PEX11G: variants seen among roughly 807,000 people sequenced by gnomAD.
The protein encoded by PEX11G is peroxisomal biogenesis factor 11 gamma, also known as peroxisomal membrane protein 11C.
PEX11G carries 20 observed loss-of-function variants against 22.5 expected under a neutral mutation model. The observed-to-expected ratio is 0.89, with a 90% CI of 0.62 to 1.29. The LOEUF (loss-of-function observed/expected upper bound fraction) is 1.29, where lower values mean the gene tolerates loss of function less well. Ranked by LOEUF, PEX11G falls within the 50% of genes most tolerant of loss-of-function variation. The pLI, the probability that PEX11G is intolerant of heterozygous loss-of-function variation, is 0.00. For synonymous variants in PEX11G, 141 were observed against 154.5 expected, an observed-to-expected ratio of 0.91 and a Z score of 0.65; for missense variants, 347 against 331.3, an observed-to-expected ratio of 1.05 and a Z score of -0.37.
Position 7,489,030 on chromosome 19 carries a change from C to A in PEX11G, c.-20G>T, listed in dbSNP as rs1307589368. 6.7e-7 allele frequency: 1 copy of A among 1,502,128 alleles called. No homozygotes were observed. Among genetic ancestry groups the A allele is most frequent in the Non-Finnish European group, 8.8e-7 (1 of 1,131,312 alleles). 93.0% of individuals were successfully genotyped at this position (1,502,128 alleles called of 1,614,324 possible). A position where few individuals can be genotyped will look rare whatever the true frequency, so the allele number is the denominator to read the frequency against. On this transcript the variant is annotated 5_prime_UTR_variant, in exon 1 of 5. Coordinates refer to ENST00000221480, the MANE Select transcript of PEX11G (RefSeq NM_080662.4). ...CGCCATGGCAACTCCGTGACGTCAC[C>A]GCGACGTCGGCGCGCCGCGCCAGGG... is the stretch of plus-strand genomic sequence containing the variant.
At chr19:7,492,083 T>C (rs991137520), upstream of PEX11G, among the ~76,000 whole-genome samples, 2 of 152,198 alleles carry the variant, frequency 1.3e-5, no homozygotes, top group African/African-American at 4.8e-5. Flanking sequence ...CAGCTGATGG[T>C]CATTTGGGCT....
rs201887390 is a variant in PEX11G, at chr19:7,486,029, G to A, written c.61-3C>T. 1.1e-4 allele frequency: 180 copies of A among 1,582,078 alleles called. No individual in the cohort carries two copies. The highest frequency in any genetic ancestry group is 1.6e-5 in the Non-Finnish European group (18 of 1,157,360). On this transcript the variant is annotated splice_polypyrimidine_tract_variant and splice_region_variant and intron_variant, in intron 1 of 4. Transcript: ENST00000221480. Reference sequence around the variant, plus strand: ...CAGCAGTACCCCAGCACTCGGATCTGTGGGAAACCAGAAGCAGTCAGTGTG... The same window carrying A: ...CAGCAGTACCCCAGCACTCGGATCTATGGGAAACCAGAAGCAGTCAGTGTG...
At chr19:7,489,813 A>G (rs923581966), upstream of PEX11G, among the ~76,000 whole-genome samples, 1 of 150,998 alleles carries the variant, frequency 6.6e-6, no homozygotes, top group Non-Finnish European at 1.5e-5. Context: ...ACAAAGGTTG[A>G]TCACCAGGGA....
chr19:7,479,351 G>C (rs1239645322), intron 3 of PEX11G, among the ~76,000 whole-genome samples: 1 of 152,200 alleles, frequency 6.6e-6, no homozygotes, highest in Non-Finnish European at 1.5e-5. Context: ...GGGGGTGGTG[G>C]TGGGCGCCTG....
intron 3 of PEX11G, among the ~76,000 whole-genome samples, chr19:7,481,078 A>G (rs2335116): frequency 0.12 from 17,722 of 152,088 alleles, 1,168 homozygotes; most frequent in South Asian, 0.18. Context: ...CAGGCCCTGG[A>G]GTTACTTCTT....
At chr19:7,489,164 G>C (rs887864907), upstream of PEX11G, 3 of 1,138,932 alleles carry the variant, frequency 2.6e-6, no homozygotes, top group Non-Finnish European at 3.5e-6. Context: ...GGGAGGGACA[G>C]AGTTTGCAGA....
chr19:7,494,171 T>A (rs1044440083), intron 1 of PEX11G, among the ~76,000 whole-genome samples: 1 of 152,180 alleles, frequency 6.6e-6, no homozygotes, highest in African/African-American at 2.4e-5. Flanking sequence ...CCTCCTAAAG[T>A]GCTGGGATTA....
Position 7,481,999 on chromosome 19 carries a change from C to T in PEX11G, c.428+34G>A, listed in dbSNP as rs1380850162. On this transcript the variant is annotated intron_variant, in intron 3 of 4. Coordinates refer to ENST00000221480, the MANE Select transcript of PEX11G (RefSeq NM_080662.4). ...TTGCTAAGGAGGCACCGCCCAGGGA[C>T]CTTGGGTGCTCCCTTCTGGCCCATG... 4.6e-6 allele frequency: 7 copies of T among 1,526,426 alleles called. No homozygotes were observed. In the East Asian group the frequency reaches 1.4e-4, roughly 31 times the overall value. The allele number at this position is 1,526,426 out of a possible 1,614,324, so 94.6% of individuals were successfully genotyped here. A position where few individuals can be genotyped will look rare whatever the true frequency, so the allele number is the denominator to read the frequency against.
chr19:7,489,343 C>T, upstream of PEX11G: 1 of 1,117,334 alleles, frequency 8.9e-7, no homozygotes, highest in Non-Finnish European at 1.1e-6. Flanking sequence ...AGCAAAACCA[C>T]CAACCTGTTC....
Position 7,477,254 on chromosome 19 carries a change from C to G in PEX11G, c.674G>C (p.Ser225Thr). The change falls in exon 5 of 5, where the codon AGC (serine) becomes ACC (threonine). Residue 225 changes from serine (S) to threonine (T), a missense_variant. Coordinates refer to ENST00000221480, the MANE Select transcript of PEX11G (RefSeq NM_080662.4). ...GCCGGCCCGGGCCGCCTGGTACATG[C>G]TGAGGATTGAGGAGATGGTGCCCAT... ...GLMGTISSIL[S>T]MYQAARAGGQ... 1.3e-6 allele frequency: 2 copies of G among 1,579,898 alleles called. No individual in the cohort carries two copies. Among genetic ancestry groups the G allele is most frequent in the Non-Finnish European group, 1.7e-6 (2 of 1,166,136 alleles).
At chr19:7,484,368 G>A (rs1467317400) in intron 2 of PEX11G, among the ~76,000 whole-genome samples, 2 of 150,200 alleles carry the variant, frequency 1.3e-5, no homozygotes, top group African/African-American at 4.9e-5. Context: ...AAAAAAGAAA[G>A]ATAAAGAAAT....
intron 2 of PEX11G, among the ~76,000 whole-genome samples, chr19:7,483,003 A>G (rs562924752): frequency 6.6e-6 from 1 of 152,308 alleles, no homozygotes; most frequent in South Asian, 2.1e-4. Context: ...TTGAGGCTGT[A>G]GAAACCAGCG....
At chr19:7,481,928 C>T in intron 3 of PEX11G, 105 bp downstream of exon 3, 1 of 1,173,016 alleles carries the variant, frequency 8.5e-7, no homozygotes, top group Non-Finnish European at 1.2e-6. Flanking sequence ...GAGGCAAAGA[C>T]CCACCGCAGT....
intron 2 of PEX11G, chr19:7,483,457 T>A (rs1977601695): frequency 3.9e-5 from 6 of 152,414 alleles, no homozygotes. Context: ...AACGCAGACA[T>A]ATAAACCGGG....
At chr19:7,487,065 G>T (rs1425456706) in intron 1 of PEX11G, among the ~76,000 whole-genome samples, 1 of 150,176 alleles carries the variant, frequency 6.7e-6, no homozygotes, top group Admixed American at 6.6e-5. Context: ...AAAAGAAAAA[G>T]AAAAAAAAAG....
At chr19:7,489,628 G>C (rs2021830483), upstream of PEX11G, 1 of 414,458 alleles carries the variant, frequency 2.4e-6, no homozygotes, top group Non-Finnish European at 3.2e-6. Context: ...CCCCAAGAGA[G>C]ACCCCCGTAG....
At chr19:7,483,878 C>A (rs554341941) in intron 2 of PEX11G, among the ~76,000 whole-genome samples, 2 of 152,258 alleles carry the variant, frequency 1.3e-5, no homozygotes, top group East Asian at 3.9e-4. Flanking sequence ...AGATGGCTCT[C>A]TAGATAGGCT....
chr19:7,489,925 T>G (rs1327885359), upstream of PEX11G, among the ~76,000 whole-genome samples: 1 of 150,688 alleles, frequency 6.6e-6, no homozygotes, highest in South Asian at 2.2e-4. Flanking sequence ...TAGCGCCATC[T>G]CTGCTCACTG....
chr19:7,486,370 C>T (rs1242225717), intron 1 of PEX11G, among the ~76,000 whole-genome samples: 1 of 152,174 alleles, frequency 6.6e-6, no homozygotes, highest in Non-Finnish European at 1.5e-5. Context: ...CAGTGATCCA[C>T]CTGCCTTAGC....
Sources: gnomAD v4.1 joint callset for allele counts (sites outside exome capture counted in the v4.1 genomes callset) on GRCh38, gnomAD v4.1.1 for gene constraint, MANE v1.5 for transcripts, NCBI Gene and HGNC (gene_info 2026-07-23, HGNC 2026-07-21) for gene names.